The following EDEM1 variants were observed in gnomAD, a reference collection of about 807,000 sequenced individuals.
The protein encoded by EDEM1 is ER degradation-enhancing alpha-mannosidase-like protein 1.
In EDEM1, 67 loss-of-function variants were observed where a neutral mutation model predicts 74.4. The ratio of observed to expected loss-of-function variants is 0.90; its 90% CI spans 0.74 to 1.10. The LOEUF (loss-of-function observed/expected upper bound fraction) is 1.10. Among genes scored for constraint, EDEM1 ranks in the 50% least tolerant of loss-of-function variants. EDEM1 has a pLI of 0.00. For synonymous variants in EDEM1, 382 were observed against 335.9 expected (o/e 1.14, Z -1.50); for missense variants, 926 against 851.6 (o/e 1.09, Z -1.09).
intron 8 of EDEM1, among the ~76,000 whole-genome samples, chr3:5,209,380 T>C (rs2055139576): frequency 6.6e-6 from 1 of 152,190 alleles, no homozygotes; most frequent in Non-Finnish European, 1.5e-5. Context: ...TCCTGTGGCC[T>C]GTGAGCTTAC....
intron 4 of EDEM1, 63 bp from the exon 5 acceptor site, chr3:5,202,903 C>A: frequency 6.6e-7 from 1 of 1,513,158 alleles, no homozygotes; most frequent in South Asian, 1.2e-5. Context: ...CTCTGAGACC[C>A]GGCTTTTCAG....
In EDEM1 at chr3:5,207,166, A is replaced by C; in HGVS notation, c.1231A>C (p.Asn411His). 1 of 1,614,148 alleles carries C rather than the reference A, an allele frequency of 6.2e-7. No individual in the cohort carries two copies. Among genetic ancestry groups the C allele is most frequent in the Admixed American group, 1.7e-5 (1 of 60,024 alleles). Residue 411 changes from asparagine to histidine, a missense_variant, in exon 7 of 12, where the codon AAT (asparagine) becomes CAT (histidine). By Grantham distance (68) the Asn-to-His change is moderately conservative. Coordinates refer to ENST00000256497, the MANE Select transcript of EDEM1 (RefSeq NM_014674.3). ...TTGGGTTTGCAGGCGGGAAGCCTGC[A>C]ATGAAGGAGAAGGAGACCCTCCACT... ...NYLRRGREAC[N>H]EGEGDPPLYV...
intron 6 of EDEM1, among the ~76,000 whole-genome samples, chr3:5,206,569 C>T (rs184244910): frequency 2.4e-4 from 36 of 152,334 alleles, no homozygotes; most frequent in South Asian, 2.1e-4. Context: ...GTTATAGCTA[C>T]TGAGCTTCCT....
At position 5,189,640 on chromosome 3, in the gene EDEM1, G is replaced by C. The variant is rs1472758516; in HGVS notation, c.509+1326G>C. 4 of 152,072 alleles carry C rather than the reference G, an allele frequency of 2.6e-5. 1 individual carries two copies. The highest frequency in any genetic ancestry group is 5.9e-5 in the Non-Finnish European group (4 of 68,030). 9.4% of individuals were successfully genotyped at this position (152,072 alleles called of 1,614,324 possible). ...TTTTGAGACGGAGTCTCGCTTTGTC[G>C]CCCAGGCTGGAGTGCAGTGGCGCGA... On this transcript the variant is annotated intron_variant, in intron 1 of 11. Transcript: ENST00000256497.
chr3:5,215,801 T>A (rs781346620), intron 11 of EDEM1, 28 bp from the exon 12 acceptor site: 41 of 1,600,332 alleles, frequency 2.6e-5, no homozygotes, highest in Non-Finnish European at 3.3e-5. Context: ...TATGAGTTTT[T>A]AATTTTCCCT....
chr3:5,206,962 A>T lies in EDEM1; in HGVS notation c.1218-191A>T, dbSNP rs148629102. Among the ~76,000 whole-genome samples the T allele has an allele frequency of 1.4e-3, 208 of 152,374 alleles. 1 individual carries two copies. Among genetic ancestry groups the T allele is most frequent in the African/African-American group, 4.9e-3 (203 of 41,596 alleles). ...TGCGTTAGGAACTTTGATCCTGTGG[A>T]AAATATTATCTTCTGCTAGAGTCTA... On this transcript the variant is annotated intron_variant, in intron 6 of 11. Transcript: ENST00000256497.
Position 5,216,889 on chromosome 3 carries a change from G to C in EDEM1, c.*971G>C. ...TTCCTAAGCAAGGATTCTCACTTCT[G>C]ACCATATTTGGGTTAGAGTTCTGTT... On this transcript the variant is annotated 3_prime_UTR_variant, in exon 12 of 12. Coordinates refer to ENST00000256497, the MANE Select transcript of EDEM1 (RefSeq NM_014674.3). The C allele has an allele frequency of 6.6e-6, 1 of 152,646 alleles. No individual in the cohort carries two copies. The highest frequency in any genetic ancestry group is 6.5e-5 in the Admixed American group (1 of 15,278). The allele number at this position is 152,646 out of a possible 1,614,324, so 9.5% of individuals were successfully genotyped here.
chr3:5,213,452 A>G lies in EDEM1; in HGVS notation c.1814A>G (p.Gln605Arg). The G allele has an allele frequency of 1.9e-6, 3 of 1,614,218 alleles. 1 individual carries two copies. The highest frequency in any genetic ancestry group is 3.3e-4 in the Middle Eastern group (2 of 6,062). Reference sequence around the variant, plus strand: ...GAATTCTTCTCTGAAGAGGGAGGGCAGGACCAAGGGGGAAAGTCTGTGCAC... The same window carrying G: ...GAATTCTTCTCTGAAGAGGGAGGGCGGGACCAAGGGGGAAAGTCTGTGCAC... Reference protein sequence around the residue: ...WKEFFSEEGGQDQGGKSVHRP... With the variant: ...WKEFFSEEGGRDQGGKSVHRP... Residue 605 changes from glutamine to arginine, a missense_variant, in exon 11 of 12, where the codon CAG becomes CGG. Gln to Arg is a conservative substitution (Grantham distance 43, BLOSUM62 1). Transcript: ENST00000256497.
intron 3 of EDEM1, among the ~76,000 whole-genome samples, chr3:5,200,186 C>T (rs2055017636): frequency 6.6e-6 from 1 of 152,198 alleles, no homozygotes; most frequent in East Asian, 1.9e-4. Context: ...CCTGCCTTGG[C>T]CTCCCAAAGT....
intron 5 of EDEM1, 78 bp from the exon 6 acceptor site, chr3:5,204,989 G>C: frequency 6.7e-7 from 1 of 1,500,018 alleles, no homozygotes; most frequent in Non-Finnish European, 9.1e-7. Context: ...CAGTGTGGTT[G>C]GAGTAGGAGG....
chr3:5,201,152 G>A (rs1016325611), intron 3 of EDEM1, among the ~76,000 whole-genome samples: 1 of 150,950 alleles, frequency 6.6e-6, no homozygotes, highest in African/African-American at 2.4e-5. Context: ...AGAACAGTTA[G>A]TACACTCTTA....
In EDEM1 at chr3:5,217,096, T is replaced by G. The variant is rs1344478479; in HGVS notation, c.*1178T>G. ...TACTGCTATGGTTTCAGGAGGCCTG[T>G]TTAGCCACATGGTGAGACCGTGGTG... On this transcript the variant is annotated 3_prime_UTR_variant, in exon 12 of 12. Transcript: ENST00000256497. The G allele has an allele frequency of 6.5e-6, 1 of 152,682 alleles. No homozygotes were observed. Among genetic ancestry groups the G allele is most frequent in the East Asian group, 1.9e-4 (1 of 5,198 alleles). 9.5% of individuals were successfully genotyped at this position (152,682 alleles called of 1,614,324 possible). A position where few individuals can be genotyped will look rare whatever the true frequency, so the allele number is the denominator to read the frequency against.
At chr3:5,202,296 A>G (rs969125593) in intron 4 of EDEM1, among the ~76,000 whole-genome samples, 6 of 152,202 alleles carry the variant, frequency 3.9e-5, no homozygotes, top group African/African-American at 9.6e-5. Flanking sequence ...AGATCCTCAC[A>G]TGGGTATTGC....
rs199602685 is a variant in EDEM1 at position 5,188,175 on chromosome 3, C to G, written c.370C>G (p.Pro124Ala). ...YEKRYSGAFPPQLRAQMRDLA... is the reference protein window; with the variant it reads ...YEKRYSGAFPAQLRAQMRDLA... ...GAAGCGCTACAGCGGCGCCTTCCCT[C>G]CGCAGCTGCGTGCCCAGATGCGCGA... The change falls in exon 1 of 12, where the codon CCG (proline) becomes GCG (alanine). Residue 124 changes from proline to alanine, a missense_variant. Coordinates refer to ENST00000256497, the MANE Select transcript of EDEM1 (RefSeq NM_014674.3). 6.2e-4 allele frequency: 961 copies of G among 1,562,238 alleles called. 9 individuals carry two copies. Among genetic ancestry groups the G allele is most frequent in the South Asian group, 5.9e-3 (499 of 84,610 alleles).
intron 1 of EDEM1, among the ~76,000 whole-genome samples, chr3:5,189,047 C>CAGGCAGTCTT (rs1029169335): frequency 6.6e-6 from 1 of 152,202 alleles, no homozygotes; most frequent in African/African-American, 2.4e-5. Context: ...CCGGGAAGGT[C>CAGGCAGTCTT]AGGCAGTCTT....
chr3:5,215,908 G>C lies in EDEM1; in HGVS notation c.1964G>C (p.Gly655Ala). Residue 655 changes from glycine to alanine, a missense_variant, in exon 12 of 12, where the codon GGT (glycine) becomes GCT (alanine). Gly to Ala is a moderately conservative substitution (Grantham distance 60). Coordinates refer to ENST00000256497, the MANE Select transcript of EDEM1 (RefSeq NM_014674.3). ...IYMRQIDQMV[G>A]LI The stretch of plus-strand genomic sequence containing the variant: ...ATGCGACAGATTGACCAGATGGTTG[G>C]TTTGATTTGATCTGCTCTCTGTGAG... 2 of 1,612,576 alleles carry C rather than the reference G, an allele frequency of 1.2e-6. No homozygotes were observed. Among genetic ancestry groups the C allele is most frequent in the Non-Finnish European group, 1.7e-6 (2 of 1,179,416 alleles).
In EDEM1 at chr3:5,215,940, T is replaced by C; in HGVS notation, c.*22T>C. ...TTGATCTGCTCTCTGTGAGGCCTCA[T>C]CTTGAACCAGACCTTAACGACCAAA... On this transcript the variant is annotated 3_prime_UTR_variant, in exon 12 of 12. Coordinates refer to ENST00000256497, the MANE Select transcript of EDEM1 (RefSeq NM_014674.3). The C allele has an allele frequency of 1.9e-6, 3 of 1,602,764 alleles. No homozygotes were observed. The highest frequency in any genetic ancestry group is 1.3e-5 in the African/African-American group (1 of 74,508).
At chr3:5,191,482 C>T (rs1431369901) in intron 1 of EDEM1, among the ~76,000 whole-genome samples, 3 of 152,018 alleles carry the variant, frequency 2.0e-5, no homozygotes, top group African/African-American at 7.3e-5. Context: ...GTCTTCCCGC[C>T]TTGGCCTCCC....
At position 5,199,582 on chromosome 3, in the gene EDEM1, CT is replaced by C. The variant is rs1559295712; in HGVS notation, c.583-5del. On this transcript the variant is annotated splice_polypyrimidine_tract_variant and intron_variant, in intron 2 of 11. Transcript: ENST00000256497. ...AGTTGCTGTAATGACCTGTGTTCCT[CT>C]TTTTAAAGATAATGGGAAATTCATC... The C allele has an allele frequency of 6.2e-7, 1 of 1,603,942 alleles. No individual in the cohort carries two copies. Among genetic ancestry groups the C allele is most frequent in the Middle Eastern group, 1.7e-4 (1 of 6,042 alleles).
Sources: gnomAD v4.1 joint callset for allele counts (sites outside exome capture counted in the v4.1 genomes callset) on GRCh38, gnomAD v4.1.1 for gene constraint, MANE v1.5 for transcripts, NCBI Gene and HGNC (gene_info 2026-07-23, HGNC 2026-07-21) for gene names.